Variants in ORAI3 observed in about 807,000 individuals in gnomAD.
The protein encoded by ORAI3 is protein orai-3.
Under a neutral mutation model 17.2 loss-of-function variants are expected in ORAI3, and 15 were observed. The ratio of observed to expected loss-of-function variants is 0.87; its 90% CI spans 0.58 to 1.34. ORAI3 has a LOEUF of 1.34. Among genes scored for constraint, ORAI3 ranks in the 40% most tolerant of loss-of-function variants. The probability of loss-of-function intolerance (pLI) is 0.00; values close to 1 mark genes in which losing one functional copy is unlikely to be tolerated. For missense variants in ORAI3, 405 were observed against 396.7 expected, an observed-to-expected ratio of 1.02 and a Z score of -0.18; for synonymous variants, 178 against 172.4, an observed-to-expected ratio of 1.03 and a Z score of -0.25.
chr16:30,954,495 T>A lies in ORAI3; in HGVS notation c.*651T>A, dbSNP rs1016534373. 3 of 205,280 alleles carry A rather than the reference T, an allele frequency of 1.5e-5. No individual in the cohort carries two copies. Among genetic ancestry groups the A allele is most frequent in the African/African-American group, 7.1e-5 (3 of 42,376 alleles). 12.7% of individuals were successfully genotyped at this position (205,280 alleles called of 1,614,324 possible). On this transcript the variant is annotated 3_prime_UTR_variant, in exon 2 of 2. Coordinates refer to ENST00000318663, the MANE Select transcript of ORAI3 (RefSeq NM_152288.3). The stretch of plus-strand genomic sequence containing the variant: ...CTCCCAAAGTGCTGGGATTCCTTTC[T>A]TTATTTCTGTAGAATCTATTTTATG...
Position 30,950,420 on chromosome 16 carries a change from G to A in ORAI3, c.228+903G>A, listed in dbSNP as rs566592500. ...GACAGGTGTGGAAAGTAAAAGCCTTGCCTCTGGGCAGGAGCGAATGAACTG... is the reference window on the plus strand; with the variant it reads ...GACAGGTGTGGAAAGTAAAAGCCTTACCTCTGGGCAGGAGCGAATGAACTG... On this transcript the variant is annotated intron_variant, in intron 1 of 1. Transcript: ENST00000318663. 2.0e-5 allele frequency among the ~76,000 whole-genome samples: 3 copies of A among 152,340 alleles called. No homozygotes were observed. The East Asian group carries it at 5.8e-4, about 29-fold the overall frequency.
At chr16:30,951,428 G>T (rs1217508350) in intron 1 of ORAI3, among the ~76,000 whole-genome samples, 2 of 152,184 alleles carry the variant, frequency 1.3e-5, no homozygotes, top group Admixed American at 6.5e-5. Context: ...CAAGTAAGTG[G>T]CAGGATTTGA....
chr16:30,953,258 G>C lies in ORAI3; in HGVS notation c.302G>C (p.Cys101Ser), dbSNP rs142819808. 6.2e-7 allele frequency: 1 copy of C among 1,612,054 alleles called. No homozygotes were observed. Among genetic ancestry groups the C allele is most frequent in the African/African-American group, 1.3e-5 (1 of 74,886 alleles). The change falls in exon 2 of 2, where the codon TGC (cysteine) becomes TCC (serine). Residue 101 changes from cysteine to serine, a missense_variant. Transcript: ENST00000318663. Reference sequence around the variant, plus strand: ...GGCCTGCTGGTGGCCTTCAGTGCCTGCACCACCGTGCTGGTGGCTGTGCAC... The same window carrying C: ...GGCCTGCTGGTGGCCTTCAGTGCCTCCACCACCGTGCTGGTGGCTGTGCAC... ...PPGLLVAFSA[C>S]TTVLVAVHLF...
Position 30,953,760 on chromosome 16 carries a change from C to T in ORAI3, c.804C>T (p.Arg268=), listed in dbSNP as rs150396653. The T allele has an allele frequency of 1.9e-6, 3 of 1,614,002 alleles. No homozygotes were observed. The African/African-American group carries it at 4.0e-5, about 22-fold the overall frequency. The part of the protein sequence containing the change: ...VFVAFALHFY[R]SLVAHKTDRY... Reference sequence around the variant, plus strand: ...TGGCCTTTGCCCTGCATTTCTACCGCTCCTTGGTGGCACACAAGACAGACC... The same window carrying T: ...TGGCCTTTGCCCTGCATTTCTACCGTTCCTTGGTGGCACACAAGACAGACC... Residue 268 remains arginine, a synonymous_variant, in exon 2 of 2, where the codon CGC becomes CGT. Coordinates refer to ENST00000318663, the MANE Select transcript of ORAI3 (RefSeq NM_152288.3).
rs746121278 is a variant in ORAI3 at position 30,949,506 on chromosome 16, G to A, written c.217G>A (p.Gly73Ser). ...CAGCCGCACGTCTGCCTTGCTCTCG[G>A]GCTTCGCCATGGTGAGGGGCCGGGA... is the stretch of plus-strand genomic sequence containing the variant. Reference protein sequence around the residue: ...ASSRTSALLSGFAMVAMVEVQ... With the variant: ...ASSRTSALLSSFAMVAMVEVQ... Residue 73 changes from glycine (G) to serine (S), a missense_variant, in exon 1 of 2, where the codon GGC becomes AGC. Transcript: ENST00000318663. The A allele has an allele frequency of 6.3e-7, 1 of 1,595,344 alleles. No homozygotes were observed. Among genetic ancestry groups the A allele is most frequent in the Non-Finnish European group, 8.5e-7 (1 of 1,174,102 alleles).
rs554316250 is a variant in ORAI3 at position 30,949,455 on chromosome 16, C to T, written c.166C>T (p.Leu56Phe). Residue 56 changes from leucine (L) to phenylalanine (F), a missense_variant, in exon 1 of 2, where the codon CTC (leucine) becomes TTC (phenylalanine). By Grantham distance (22) the Leu-to-Phe change is conservative. Coordinates refer to ENST00000318663, the MANE Select transcript of ORAI3 (RefSeq NM_152288.3). ...LRALSWRRLY[L>F]SRAKLKASSR... ...GGCGCTCAGCTGGCGCCGCCTCTAC[C>T]TCAGCCGGGCCAAGCTCAAAGCTTC... The T allele has an allele frequency of 4.4e-6, 7 of 1,609,058 alleles. No individual in the cohort carries two copies. The South Asian group carries it at 6.6e-5, about 15-fold the overall frequency.
In ORAI3 at chr16:30,953,303, C is replaced by T. The variant is rs780170277; in HGVS notation, c.347C>T (p.Ser116Phe). 6.2e-6 allele frequency: 10 copies of T among 1,614,156 alleles called. No homozygotes were observed. The highest frequency in any genetic ancestry group is 8.5e-6 in the Non-Finnish European group (10 of 1,180,006). ...GTGCACCTCTTTGCACTCATGGTCT[C>T]CACGTGTCTGCTGCCCCACATTGAA... is the stretch of plus-strand genomic sequence containing the variant. ...VAVHLFALMV[S>F]TCLLPHIEAV... Residue 116 changes from serine (S) to phenylalanine (F), a missense_variant, in exon 2 of 2, where the codon TCC becomes TTC. Ser to Phe is a radical substitution (Grantham distance 155). Transcript: ENST00000318663.
In ORAI3 at chr16:30,949,324, C is replaced by G; in HGVS notation, c.35C>G (p.Ala12Gly). The change falls in exon 1 of 2, where the codon GCC (alanine) becomes GGC (glycine). Residue 12 changes from alanine (A) to glycine (G), a missense_variant. By Grantham distance (60) the Ala-to-Gly change is moderately conservative. Coordinates refer to ENST00000318663, the MANE Select transcript of ORAI3 (RefSeq NM_152288.3). ...KGGEGDAGEQAPLNPEGESPA... is the reference protein window; with the variant it reads ...KGGEGDAGEQGPLNPEGESPA... ...GGCGAGGGGGACGCGGGCGAGCAGG[C>G]CCCGCTGAACCCTGAGGGCGAGAGC... 6.9e-7 allele frequency: 1 copy of G among 1,456,060 alleles called. No individual in the cohort carries two copies. The highest frequency in any genetic ancestry group is 9.0e-7 in the Non-Finnish European group (1 of 1,105,758). 90.2% of individuals were successfully genotyped at this position (1,456,060 alleles called of 1,614,324 possible).
At position 30,953,423 on chromosome 16, in the gene ORAI3, C is replaced by T. The variant is rs1259646840; in HGVS notation, c.467C>T (p.Ala156Val). ...GAGCTGGCCTGGGGCTTCTCCACTG[C>T]CCTGGGCACCTTTCTCTTCCTTGCT... ...YVELAWGFST[A>V]LGTFLFLAEV... The change falls in exon 2 of 2, where the codon GCC becomes GTC. Residue 156 changes from alanine to valine, a missense_variant. By Grantham distance (64) the Ala-to-Val change is moderately conservative. Coordinates refer to ENST00000318663, the MANE Select transcript of ORAI3 (RefSeq NM_152288.3). 1.2e-6 allele frequency: 2 copies of T among 1,614,238 alleles called. No homozygotes were observed. The highest frequency in any genetic ancestry group is 1.7e-6 in the Non-Finnish European group (2 of 1,180,036).
chr16:30,949,574 C>CG (rs202180769), intron 1 of ORAI3, 57 bp downstream of exon 1: 3,345 of 233,602 alleles, frequency 0.014, 15 homozygotes, highest in African/African-American at 0.058. Flanking sequence ...GGGCACAGGT[C>CG]GGGGGGGGGG....
intron 1 of ORAI3, 149 bp downstream of exon 1, chr16:30,949,666 C>G (rs997702874): frequency 1.0e-5 from 7 of 670,346 alleles, no homozygotes; most frequent in South Asian, 1.9e-5. Context: ...CGGGACTGAG[C>G]AAGTCCCTTC....
intron 1 of ORAI3, among the ~76,000 whole-genome samples, chr16:30,952,258 C>T (rs2055928174): frequency 6.6e-6 from 1 of 151,772 alleles, no homozygotes; most frequent in Non-Finnish European, 1.5e-5. Flanking sequence ...TCCCAAGCTC[C>T]TGAGTAGCCG....
rs1339534103 is a variant in ORAI3, at chr16:30,954,823, G to A, written c.*979G>A. On this transcript the variant is annotated 3_prime_UTR_variant, in exon 2 of 2. Transcript: ENST00000318663. ...CCCCAGGCCTGAGTCCTTAGCAAGG[G>A]TTGGGTAAGGAGGTTTTAAGGGAGA... is the stretch of plus-strand genomic sequence containing the variant. 6.6e-6 allele frequency: 1 copy of A among 152,330 alleles called. No homozygotes were observed. Among genetic ancestry groups the A allele is most frequent in the African/African-American group, 2.4e-5 (1 of 41,452 alleles). 9.4% of individuals were successfully genotyped at this position (152,330 alleles called of 1,614,324 possible).
At position 30,954,782 on chromosome 16, in the gene ORAI3, AGACT is replaced by A. The variant is rs1175941663; in HGVS notation, c.*942_*945del. The A allele has an allele frequency of 6.6e-6, 1 of 152,450 alleles. No individual in the cohort carries two copies. Among genetic ancestry groups the A allele is most frequent in the African/African-American group, 2.4e-5 (1 of 41,434 alleles). The allele number at this position is 152,450 out of a possible 1,614,324, so 9.4% of individuals were successfully genotyped here. A position where few individuals can be genotyped will look rare whatever the true frequency, so the allele number is the denominator to read the frequency against. On this transcript the variant is annotated 3_prime_UTR_variant, in exon 2 of 2. Transcript: ENST00000318663. ...CCTGGTCCAGGGCTGGGGTCTTTAGAGACTGACAGCCTCTGCCCCAGGCCTGAGT... is the reference window on the plus strand; with the variant it reads ...CCTGGTCCAGGGCTGGGGTCTTTAGAGACAGCCTCTGCCCCAGGCCTGAGT...
intron 1 of ORAI3, among the ~76,000 whole-genome samples, chr16:30,950,544 C>T (rs1261974167): frequency 6.6e-6 from 1 of 152,124 alleles, no homozygotes; most frequent in Non-Finnish European, 1.5e-5. Flanking sequence ...GGAACGCACT[C>T]CTGTGGGGGT....
chr16:30,953,245 G>T lies in ORAI3; in HGVS notation c.289G>T (p.Ala97Ser), dbSNP rs1379599039. 3.7e-6 allele frequency: 6 copies of T among 1,608,362 alleles called. No individual in the cohort carries two copies. The Admixed American group carries it at 8.4e-5, about 22-fold the overall frequency. Residue 97 changes from alanine (A) to serine (S), a missense_variant, in exon 2 of 2, where the codon GCC (alanine) becomes TCC (serine). Physicochemically the swap from Ala to Ser is moderately conservative, Grantham distance 99. Coordinates refer to ENST00000318663, the MANE Select transcript of ORAI3 (RefSeq NM_152288.3). ...DHEYPPGLLV[A>S]FSACTTVLVA... ...CGAGTACCCACCAGGCCTGCTGGTG[G>T]CCTTCAGTGCCTGCACCACCGTGCT...
In ORAI3 at chr16:30,949,427, G is replaced by A. The variant is rs770114500; in HGVS notation, c.138G>A (p.Leu46=). 6.2e-7 allele frequency: 1 copy of A among 1,606,046 alleles called. No homozygotes were observed. The highest frequency in any genetic ancestry group is 1.1e-5 in the South Asian group (1 of 90,096). ...TCATGGGGGCCAGTCAGCACTCGCTGCGGGCGCTCAGCTGGCGCCGCCTCT... is the reference window on the plus strand; with the variant it reads ...TCATGGGGGCCAGTCAGCACTCGCTACGGGCGCTCAGCTGGCGCCGCCTCT... ...LDLMGASQHS[L]RALSWRRLYL... is the part of the protein sequence containing the mutation. Residue 46 remains leucine (L), a synonymous_variant, in exon 1 of 2, where the codon CTG becomes CTA. Coordinates refer to ENST00000318663, the MANE Select transcript of ORAI3 (RefSeq NM_152288.3).
At chr16:30,951,978 C>T (rs892544511) in intron 1 of ORAI3, among the ~76,000 whole-genome samples, 1 of 152,166 alleles carries the variant, frequency 6.6e-6, no homozygotes, top group African/African-American at 2.4e-5. Context: ...TAAACTCTGT[C>T]CTCAGACTTT....
rs562061259 is a variant in ORAI3 at position 30,951,710 on chromosome 16, C to CAA, written c.229-1463_229-1462dup. On this transcript the variant is annotated intron_variant, in intron 1 of 1. Coordinates refer to ENST00000318663, the MANE Select transcript of ORAI3 (RefSeq NM_152288.3). ...CAACATAGCAAGACCTGGCATCTAC[C>CAA]AAAAAAAAAAAAAGAGAGACCCCAT... is the stretch of plus-strand genomic sequence containing the variant. 7.4e-5 allele frequency among the ~76,000 whole-genome samples: 10 copies of CAA among 134,598 alleles called. No individual in the cohort carries two copies. The South Asian group carries it at 2.3e-3, about 31-fold the overall frequency. 88.3% of individuals were successfully genotyped at this position (134,598 alleles called of 152,430 possible).
Sources: allele counts gnomAD v4.1 joint callset (sites outside exome capture counted in the v4.1 genomes callset), GRCh38; gene constraint gnomAD v4.1.1; transcripts MANE v1.5; gene names NCBI Gene and HGNC (gene_info 2026-07-23, HGNC 2026-07-21).